Variants in SLC18B1 observed in about 807,000 individuals in gnomAD.
SLC18B1 encodes the protein solute carrier family 18 member B1.
Under a neutral mutation model 53.9 loss-of-function variants are expected in SLC18B1, and 62 were observed. The ratio of observed to expected loss-of-function variants is 1.15; its 90% CI spans 0.94 to 1.42. The LOEUF is 1.42. Ranked by LOEUF, SLC18B1 falls within the 40% of genes most tolerant of loss-of-function variation. The pLI is 0.00. For synonymous variants in SLC18B1, 217 were observed against 200.9 expected, an observed-to-expected ratio of 1.08 and a Z score of -0.68; for missense variants, 598 against 547.3, an observed-to-expected ratio of 1.09 and a Z score of -0.93.
chr6:132,774,254 G>C lies in SLC18B1; in HGVS notation c.957C>G (p.Leu319=), dbSNP rs199989942. 3.8e-5 allele frequency: 62 copies of C among 1,613,344 alleles called. No homozygotes were observed. The Middle Eastern group carries it at 6.6e-4, about 17-fold the overall frequency. ...GNLITAGCYM[L]LGPVPILHIK... is the part of the protein sequence containing the mutation. The stretch of plus-strand genomic sequence containing the variant: ...TATGCAAGATTGGGACAGGCCCTAA[G>C]AGCATGTAGCACCCGGCTGTGATTA... Residue 319 remains leucine, a synonymous_variant, in exon 9 of 14, where the codon CTC becomes CTG. Transcript: ENST00000275227.
At chr6:132,794,703 G>A (rs1781627829) in intron 2 of SLC18B1, among the ~76,000 whole-genome samples, 1 of 152,006 alleles carries the variant, frequency 6.6e-6, no homozygotes, top group South Asian at 2.1e-4. Flanking sequence ...ACACTTCTTA[G>A]GGCCCACCTT....
At chr6:132,785,118 AGTGTGTGTGTGT>A (rs3063220) in intron 5 of SLC18B1, among the ~76,000 whole-genome samples, 119 of 143,098 alleles carry the variant, frequency 8.3e-4, no homozygotes, top group African/African-American at 2.4e-3. Flanking sequence ...TCTCTCTCTC[AGTGTGTGTGTGT>A]GTGTGTGTGT....
At chr6:132,795,180 A>AG (rs34565895) in intron 2 of SLC18B1, among the ~76,000 whole-genome samples, 1 of 151,010 alleles carries the variant, frequency 6.6e-6, no homozygotes, top group African/African-American at 2.5e-5. Flanking sequence ...AAAAAAAAAA[A>AG]CAGTCTTATA....
chr6:132,788,845 ACATGTAGAATCACTCTGACAAGACCTAT>A (rs1562269522), intron 4 of SLC18B1, among the ~76,000 whole-genome samples: 1 of 149,754 alleles, frequency 6.7e-6, no homozygotes. Flanking sequence ...AAAAAAAAAA[ACATGTAGAATCACTCTGACAAGACCTAT>A]AAAGAAGAAA....
rs535492057 is a variant in SLC18B1 at position 132,797,233 on chromosome 6, T to C, written c.44-112A>G. 5.7e-5 allele frequency: 75 copies of C among 1,321,850 alleles called. 2 individuals are homozygous for C. In the African/African-American group the frequency reaches 5.9e-4, roughly 10 times the overall value. The allele number at this position is 1,321,850 out of a possible 1,614,324, so 81.9% of individuals were successfully genotyped here. On this transcript the variant is annotated intron_variant, in intron 1 of 13. Coordinates refer to ENST00000275227, the MANE Select transcript of SLC18B1 (RefSeq NM_052831.3). ...ACTCTGAAGATATCATTTGCTAAGC[T>C]TAGGGCTATTTTGAATATAGCACAT...
intron 11 of SLC18B1, 115 bp from the exon 12 acceptor site, chr6:132,771,244 A>G: frequency 2.2e-6 from 2 of 912,056 alleles, no homozygotes; most frequent in Non-Finnish European, 3.4e-6. Context: ...GATAAGTACT[A>G]AAGATAAAGC....
At chr6:132,781,230 C>G (rs1240688290) in intron 6 of SLC18B1, among the ~76,000 whole-genome samples, 1 of 152,014 alleles carries the variant, frequency 6.6e-6, no homozygotes, top group Non-Finnish European at 1.5e-5. Context: ...ATTAAAACAT[C>G]CATGAAAATG....
rs1247527273 is a variant in SLC18B1, at chr6:132,790,324, T to A, written c.184-52A>T. ...GTTTCAAAGAAAAATTAGATCAATATGAAAAAATGGAAATAATAGATCAGG... is the reference window on the plus strand; with the variant it reads ...GTTTCAAAGAAAAATTAGATCAATAAGAAAAAATGGAAATAATAGATCAGG... On this transcript the variant is annotated intron_variant, in intron 2 of 13. Transcript: ENST00000275227. 6 of 1,319,886 alleles carry A rather than the reference T, an allele frequency of 4.5e-6. No homozygotes were observed. In the Admixed American group the frequency reaches 8.0e-5, roughly 18 times the overall value. 81.8% of individuals were successfully genotyped at this position (1,319,886 alleles called of 1,614,324 possible).
At chr6:132,782,544 A>G (rs1781264746) in intron 6 of SLC18B1, among the ~76,000 whole-genome samples, 1 of 151,548 alleles carries the variant, frequency 6.6e-6, no homozygotes, top group South Asian at 2.1e-4. Flanking sequence ...CATGTCCATG[A>G]CTCTATTTTA....
At chr6:132,779,480 T>C in intron 6 of SLC18B1, 76 bp from the exon 7 acceptor site, 1 of 1,474,786 alleles carries the variant, frequency 6.8e-7, no homozygotes, top group Non-Finnish European at 9.3e-7. Flanking sequence ...TTTGGAAAAC[T>C]GGTAACACCA....
chr6:132,785,147 G>T (rs1352309789), intron 5 of SLC18B1, among the ~76,000 whole-genome samples: 1 of 146,676 alleles, frequency 6.8e-6, no homozygotes, highest in East Asian at 2.0e-4. Flanking sequence ...GTGTGTGTGT[G>T]TGTCAGTGTG....
intron 2 of SLC18B1, among the ~76,000 whole-genome samples, chr6:132,796,345 A>C (rs1582876630): frequency 9.5e-6 from 1 of 105,674 alleles, no homozygotes; most frequent in Non-Finnish European, 1.8e-5. Flanking sequence ...AGAGTGCGAG[A>C]CTCCATCTCA....
At chr6:132,771,747 T>A (rs1291662643) in intron 11 of SLC18B1, among the ~76,000 whole-genome samples, 1 of 152,202 alleles carries the variant, frequency 6.6e-6, no homozygotes, top group Non-Finnish European at 1.5e-5. Context: ...AATTTCTTCA[T>A]CAACATCAAG....
In SLC18B1 at chr6:132,784,034, C is replaced by T; in HGVS notation, c.557G>A (p.Gly186Asp). 1 of 1,608,914 alleles carries T rather than the reference C, an allele frequency of 6.2e-7. No homozygotes were observed. Among genetic ancestry groups the T allele is most frequent in the Non-Finnish European group, 8.5e-7 (1 of 1,177,722 alleles). Residue 186 changes from glycine to aspartate, a missense_variant, in exon 6 of 14, where the codon GGC becomes GAC. By Grantham distance (94) the Gly-to-Asp change is moderately conservative. Coordinates refer to ENST00000275227, the MANE Select transcript of SLC18B1 (RefSeq NM_052831.3). Reference sequence around the variant, plus strand: ...ATAGCCAAAGGATTGATACAAAAAGCCACCTACAGGAGGACCTAGTATTAG... The same window carrying T: ...ATAGCCAAAGGATTGATACAAAAAGTCACCTACAGGAGGACCTAGTATTAG... ...LGLILGPPVG[G>D]FLYQSFGYEV...
At chr6:132,785,897 C>CAAAAAAAAAAAAAAAAAAAAAAA (rs71545048) in intron 5 of SLC18B1, among the ~76,000 whole-genome samples, 35 of 81,140 alleles carry the variant, frequency 4.3e-4, no homozygotes, top group African/African-American at 5.3e-4. Flanking sequence ...CCTGTCTCTA[C>CAAAAAAAAAAAAAAAAAAAAAAA]AAAAAAAAAA....
intron 2 of SLC18B1, among the ~76,000 whole-genome samples, chr6:132,796,112 G>A (rs1398604739): frequency 6.6e-6 from 1 of 152,020 alleles, no homozygotes; most frequent in Non-Finnish European, 1.5e-5. Context: ...ACTTCGGGAG[G>A]CGGAGGCGGG....
intron 1 of SLC18B1, among the ~76,000 whole-genome samples, chr6:132,797,468 G>A (rs184044035): frequency 0.025 from 3,870 of 152,186 alleles, 60 homozygotes; most frequent in South Asian, 0.055. Flanking sequence ...GCGTGGTGGC[G>A]GGCCCCTGTA....
intron 2 of SLC18B1, among the ~76,000 whole-genome samples, chr6:132,795,703 A>G (rs1196662817): frequency 6.6e-6 from 1 of 152,240 alleles, no homozygotes; most frequent in African/African-American, 2.4e-5. Context: ...ACTCCAAGCC[A>G]GTCATATTCA....
intron 4 of SLC18B1, among the ~76,000 whole-genome samples, chr6:132,788,376 T>A (rs577073017): frequency 1.7e-4 from 26 of 152,236 alleles, no homozygotes; most frequent in African/African-American, 6.3e-4. Flanking sequence ...ATGATTTTTT[T>A]TAAAAGAGTT....
Sources: allele counts gnomAD v4.1 joint callset (sites outside exome capture counted in the v4.1 genomes callset), GRCh38; gene constraint gnomAD v4.1.1; transcripts MANE v1.5; gene names NCBI Gene and HGNC (gene_info 2026-07-23, HGNC 2026-07-21).